Variants in CLUAP1 observed in about 807,000 individuals in gnomAD.
The protein encoded by CLUAP1 is intraflagellar transport 38.
A neutral mutation model predicts 55.0 loss-of-function variants in CLUAP1; 50 were observed. The ratio of observed to expected loss-of-function variants is 0.91; its 90% CI spans 0.72 to 1.15. The LOEUF (loss-of-function observed/expected upper bound fraction) is 1.15, where lower values mean the gene tolerates loss of function less well. Ranked by LOEUF, CLUAP1 falls within the 50% of genes most tolerant of loss-of-function variation. The pLI is 0.00. For missense variants in CLUAP1, 530 were observed against 507.6 expected, an observed-to-expected ratio of 1.04 and a Z score of -0.42; for synonymous variants, 195 against 175.4, an observed-to-expected ratio of 1.11 and a Z score of -0.88.
intron 3 of CLUAP1, among the ~76,000 whole-genome samples, chr16:3,507,680 T>TTGTGTGTGTGTGTGTG (rs61672090): frequency 4.9e-5 from 7 of 143,082 alleles, no homozygotes; most frequent in South Asian, 2.3e-4. Context: ...CTTCCAGAGT[T>TTGTGTGTGTGTGTGTG]TGTGTGTGTG....
intron 8 of CLUAP1, among the ~76,000 whole-genome samples, chr16:3,525,299 C>CG (rs1427991840): frequency 2.6e-5 from 4 of 152,172 alleles, no homozygotes; most frequent in Admixed American, 2.6e-4. Flanking sequence ...CCTCTGGGTT[C>CG]AGAGAACAAA....
chr16:3,521,912 A>G (rs921529571), intron 7 of CLUAP1, among the ~76,000 whole-genome samples: 1 of 152,002 alleles, frequency 6.6e-6, no homozygotes, highest in South Asian at 2.1e-4. Context: ...TATAAAAAAT[A>G]GCTGGGCATA....
At position 3,501,091 on chromosome 16, in the gene CLUAP1, T is replaced by G. The variant is rs776923266; in HGVS notation, c.22+2T>G. The G allele has an allele frequency of 1.9e-6, 3 of 1,594,410 alleles. No individual in the cohort carries two copies. In the Admixed American group the frequency reaches 5.1e-5, roughly 27 times the overall value. On this transcript the variant is annotated splice_donor_variant, in intron 1 of 11. Transcript: ENST00000576634. LOFTEE classifies it high-confidence loss of function. ...TTATGTCTTTCCGCGACCTCCGCAG[T>G]AAGGCAGCCCCGCGCCCCTGTGACC...
In CLUAP1 at chr16:3,508,372, A is replaced by T; in HGVS notation, c.303A>T (p.Thr101=). The change falls in exon 4 of 12, where the codon ACA becomes ACT. Residue 101 remains threonine, a synonymous_variant. Coordinates refer to ENST00000576634, the MANE Select transcript of CLUAP1 (RefSeq NM_015041.3). ...CGGTAAAAGAGCTGCTGAAGATCACATCTGTCCTTTATAATGCTATGAAGA... is the reference window on the plus strand; with the variant it reads ...CGGTAAAAGAGCTGCTGAAGATCACTTCTGTCCTTTATAATGCTATGAAGA... ...GYAVKELLKI[T]SVLYNAMKTK... The T allele has an allele frequency of 6.2e-7, 1 of 1,609,166 alleles. No homozygotes were observed.
At chr16:3,515,247 T>C (rs1197718703) in intron 5 of CLUAP1, 5 of 287,268 alleles carry the variant, frequency 1.7e-5, no homozygotes, top group Non-Finnish European at 3.2e-5. Context: ...TAATGGATGC[T>C]AAGTTCAGTT....
chr16:3,533,475 C>T, intron 11 of CLUAP1: 2 of 362,156 alleles, frequency 5.5e-6, no homozygotes, highest in Non-Finnish European at 1.0e-5. Context: ...AATGGTGAAG[C>T]AGCACTGTCC....
Position 3,538,931 on chromosome 16 carries a change from T to C in CLUAP1, c.*2660T>C, listed in dbSNP as rs1484095142. 1 of 152,198 alleles carries C rather than the reference T, an allele frequency of 6.6e-6. No individual in the cohort carries two copies. Among genetic ancestry groups the C allele is most frequent in the Non-Finnish European group, 1.5e-5 (1 of 68,034 alleles). The allele number at this position is 152,198 out of a possible 1,614,324, so 9.4% of individuals were successfully genotyped here. ...CGAGGATGGTTGTGATTAGGTCAAA[T>C]AGAAAACTAGCAGGCCATTGCTGAC... On this transcript the variant is annotated 3_prime_UTR_variant, in exon 12 of 12. Coordinates refer to ENST00000576634, the MANE Select transcript of CLUAP1 (RefSeq NM_015041.3).
At chr16:3,496,208 C>A, upstream of CLUAP1, 1 of 575,432 alleles carries the variant, frequency 1.7e-6, no homozygotes. Context: ...ATCATGGGAG[C>A]TGACGTCCGC....
At chr16:3,507,341 C>G (rs118077868) in intron 3 of CLUAP1, among the ~76,000 whole-genome samples, 2,136 of 151,420 alleles carry the variant, frequency 0.014, 25 homozygotes, top group East Asian at 0.04. Context: ...TAGCTTGAGT[C>G]CAGGAGTTTG....
chr16:3,523,270 C>T lies in CLUAP1; in HGVS notation c.826C>T (p.His276Tyr). The change falls in exon 8 of 12, where the codon CAT becomes TAT. Residue 276 changes from histidine to tyrosine, a missense_variant. His to Tyr is a moderately conservative substitution (Grantham distance 83, BLOSUM62 2). Transcript: ENST00000576634. ...LTYLEQQLEDHHRMEQERFEE... is the reference protein window; with the variant it reads ...LTYLEQQLEDYHRMEQERFEE... ...TTATCTGGAACAACAGCTTGAAGAC[C>T]ATCATAGGATGGAGCAAGAAAGGTT... The T allele has an allele frequency of 6.2e-7, 1 of 1,613,180 alleles. No homozygotes were observed. The highest frequency in any genetic ancestry group is 8.5e-7 in the Non-Finnish European group (1 of 1,179,744).
the CLUAP1 span, among the ~76,000 whole-genome samples, chr16:3,495,851 A>G: frequency 6.6e-6 from 1 of 152,122 alleles, no homozygotes; most frequent in Non-Finnish European, 1.5e-5. Context: ...CATGCCTGTA[A>G]TCCCAGCACT....
chr16:3,497,489 A>G (rs536106264), upstream of CLUAP1, among the ~76,000 whole-genome samples: 9 of 152,360 alleles, frequency 5.9e-5, no homozygotes, highest in African/African-American at 2.2e-4. Context: ...AACACTCCCC[A>G]AAGTGCTCAG....
At chr16:3,522,859 A>C (rs1345175676) in intron 7 of CLUAP1, among the ~76,000 whole-genome samples, 1 of 152,180 alleles carries the variant, frequency 6.6e-6, no homozygotes, top group Non-Finnish European at 1.5e-5. Flanking sequence ...TATGTCAACT[A>C]TCAAGCGCTT....
chr16:3,518,246 T>C (rs1216611458), intron 6 of CLUAP1, among the ~76,000 whole-genome samples: 2 of 152,256 alleles, frequency 1.3e-5, no homozygotes, highest in African/African-American at 2.4e-5. Flanking sequence ...CCTCTTATCC[T>C]TGCCAGTGTT....
In CLUAP1 at chr16:3,506,401, A is replaced by G; in HGVS notation, c.205A>G (p.Ile69Val). The stretch of plus-strand genomic sequence containing the variant: ...GGACCGAGTTTTCTTCATTAAGGCA[A>G]TTGCCCAGTTCATGGTTAGTGGACA... ...EQDRVFFIKA[I>V]AQFMATKAHI... is the part of the protein sequence containing the mutation. Residue 69 changes from isoleucine to valine, a missense_variant, in exon 3 of 12, where the codon ATT becomes GTT. Physicochemically the swap from Ile to Val is conservative, Grantham distance 29 (BLOSUM62 3). Transcript: ENST00000576634. 6.2e-7 allele frequency: 1 copy of G among 1,613,602 alleles called. No homozygotes were observed. The highest frequency in any genetic ancestry group is 1.7e-5 in the Admixed American group (1 of 60,016).
chr16:3,498,217 C>T (rs577609989), upstream of CLUAP1, among the ~76,000 whole-genome samples: 8 of 152,090 alleles, frequency 5.3e-5, no homozygotes, highest in South Asian at 1.5e-3. Flanking sequence ...GAATTCACCC[C>T]TCCTCTGCAT....
At chr16:3,506,647 C>T (rs1202908784) in intron 3 of CLUAP1, among the ~76,000 whole-genome samples, 1 of 151,934 alleles carries the variant, frequency 6.6e-6, no homozygotes, top group African/African-American at 2.4e-5. Context: ...GGATTAGAGG[C>T]ACACGCCACC....
At chr16:3,523,111 A>G (rs769897969) in intron 7 of CLUAP1, 47 bp from the exon 8 acceptor site, 9 of 1,520,476 alleles carry the variant, frequency 5.9e-6, no homozygotes, top group South Asian at 1.3e-5. Flanking sequence ...ATTTCAAACT[A>G]CTGCATATAA....
chr16:3,497,309 T>C (rs2037325138), upstream of CLUAP1, among the ~76,000 whole-genome samples: 1 of 152,074 alleles, frequency 6.6e-6, no homozygotes, highest in Non-Finnish European at 1.5e-5. Flanking sequence ...ATTAATTGTA[T>C]TTCTAGATAC....
Sources: gnomAD v4.1 joint callset for allele counts (sites outside exome capture counted in the v4.1 genomes callset) on GRCh38, gnomAD v4.1.1 for gene constraint, MANE v1.5 for transcripts, NCBI Gene and HGNC (gene_info 2026-07-23, HGNC 2026-07-21) for gene names.